The following SEPHS1 variants were observed in gnomAD, a reference collection of about 807,000 sequenced individuals.
The protein encoded by SEPHS1 is selenophosphate synthetase 1, also known as zincore component SEPHS1.
Under a neutral mutation model 39.2 loss-of-function variants are expected in SEPHS1, and 7 were observed. The observed-to-expected ratio is 0.18, with a 90% CI of 0.10 to 0.34. SEPHS1 has a LOEUF of 0.34. Among genes scored for constraint, SEPHS1 ranks in the 10% least tolerant of loss-of-function variants. The pLI is 1.00. For synonymous variants in SEPHS1, 190 were observed against 195.5 expected (o/e 0.97, Z 0.23); for missense variants, 253 against 514.5 (o/e 0.49, Z 4.92).
chr10:13,338,793 G>A lies in SEPHS1; in HGVS notation c.209C>T (p.Thr70Ile). Reference protein sequence around the residue: ...VMPRLGIGMDTCVIPLRHGGL... With the variant: ...VMPRLGIGMDICVIPLRHGGL... ...ACCGTGCCTCAAAGGAATGACACAA[G>A]TATCCATTCCAATGCCTGTGGAGAT... Residue 70 changes from threonine (T) to isoleucine (I), a missense_variant, in exon 3 of 9, where the codon ACT (threonine) becomes ATT (isoleucine). Around this residue, in one of 4 missense-constraint regions of SEPHS1, gnomAD observed 123 missense variants for 196.8 expected, o/e 0.62. Transcript: ENST00000327347. 1.9e-6 allele frequency: 3 copies of A among 1,613,456 alleles called. No individual in the cohort carries two copies. The highest frequency in any genetic ancestry group is 2.5e-6 in the Non-Finnish European group (3 of 1,179,374).
rs1386408260 is a variant in SEPHS1, at chr10:13,317,888, A to AGTC, written c.*1253_*1254insGAC. 1 of 152,204 alleles carries AGTC rather than the reference A, an allele frequency of 6.6e-6. No individual in the cohort carries two copies. Among genetic ancestry groups the AGTC allele is most frequent in the East Asian group, 1.9e-4 (1 of 5,202 alleles). 9.4% of individuals were successfully genotyped at this position (152,204 alleles called of 1,614,324 possible). Reference sequence around the variant, plus strand: ...GAAGCCTCCACTTTACATAACACAGAGAACACCTTTTTAGATTGCCTATTT... The same window carrying AGTC: ...GAAGCCTCCACTTTACATAACACAGAGTCGAACACCTTTTTAGATTGCCTATTT... On this transcript the variant is annotated 3_prime_UTR_variant, in exon 9 of 9. Coordinates refer to ENST00000327347, the MANE Select transcript of SEPHS1 (RefSeq NM_012247.5).
At chr10:13,336,125 G>A in intron 4 of SEPHS1, 118 bp downstream of exon 4, 2 of 632,570 alleles carry the variant, frequency 3.2e-6, no homozygotes, top group South Asian at 2.0e-5. Context: ...CAGAAGGAGT[G>A]CAGGGAGCCA....
chr10:13,342,826 C>T (rs1833833845), intron 2 of SEPHS1, among the ~76,000 whole-genome samples: 1 of 151,910 alleles, frequency 6.6e-6, no homozygotes, highest in South Asian at 2.1e-4. Flanking sequence ...GCCTCTGCCT[C>T]CCGGGCTCAA....
At chr10:13,343,170 G>T (rs72783325) in intron 2 of SEPHS1, among the ~76,000 whole-genome samples, 1 of 152,138 alleles carries the variant, frequency 6.6e-6, no homozygotes, top group Non-Finnish European at 1.5e-5. Context: ...ACTTTATGCC[G>T]TAATGTTTTA....
At chr10:13,341,763 C>T (rs1833791698) in intron 2 of SEPHS1, among the ~76,000 whole-genome samples, 1 of 148,810 alleles carries the variant, frequency 6.7e-6, no homozygotes, top group Non-Finnish European at 1.5e-5. Flanking sequence ...TCCAGACCAG[C>T]CTGACCAACA....
At chr10:13,341,926 G>A (rs10906353) in intron 2 of SEPHS1, among the ~76,000 whole-genome samples, 60,467 of 148,432 alleles carry the variant, frequency 0.41, 13,933 homozygotes, top group East Asian at 0.69. Context: ...AGTGAGCTGA[G>A]ATTGCACCAC....
chr10:13,321,269 CAG>C (rs1833106047), intron 8 of SEPHS1, among the ~76,000 whole-genome samples: 1 of 149,910 alleles, frequency 6.7e-6, no homozygotes, highest in Non-Finnish European at 1.5e-5. Flanking sequence ...TTTTTTGAGA[CAG>C]AGTCTCACTC....
chr10:13,344,869 C>T lies in SEPHS1; in HGVS notation c.82G>A (p.Gly28Ser). ...FRLTRFTELK[G>S]TGCKVPQDVL... is the part of the protein sequence containing the mutation. ...TCTTGGGGCACTTTGCAGCCTGTGC[C>T]CTTCAGTTCAGTGAATCTGGTTAGC... is the stretch of plus-strand genomic sequence containing the variant. The change falls in exon 2 of 9, where the codon GGC becomes AGC. Residue 28 changes from glycine to serine, a missense_variant. Physicochemically the swap from Gly to Ser is moderately conservative, Grantham distance 56 (BLOSUM62 0). Around this residue, in one of 4 missense-constraint regions of SEPHS1, gnomAD observed 123 missense variants for 196.8 expected, o/e 0.62. Coordinates refer to ENST00000327347, the MANE Select transcript of SEPHS1 (RefSeq NM_012247.5). 1.9e-6 allele frequency: 3 copies of T among 1,606,868 alleles called. No homozygotes were observed. The highest frequency in any genetic ancestry group is 1.7e-6 in the Non-Finnish European group (2 of 1,176,486).
intron 7 of SEPHS1, among the ~76,000 whole-genome samples, chr10:13,325,118 A>G (rs1290101844): frequency 1.3e-5 from 2 of 151,914 alleles, no homozygotes; most frequent in African/African-American, 4.8e-5. Flanking sequence ...TTGTCTTTTC[A>G]TTTCCTTAAC....
chr10:13,345,861 T>A (rs767863586), intron 1 of SEPHS1, among the ~76,000 whole-genome samples: 1 of 151,974 alleles, frequency 6.6e-6, no homozygotes, highest in African/African-American at 2.4e-5. Flanking sequence ...TGGGCGAGAG[T>A]GAGACTCCGT....
rs780380520 is a variant in SEPHS1, at chr10:13,322,814, G to A, written c.964+21C>T. On this transcript the variant is annotated intron_variant, in intron 8 of 8. Transcript: ENST00000327347. ...TGTTAGCCTCACTATTTAGTCCTCA[G>A]ATGCGCCCAGCATCCTGTACCTGAA... 26 of 1,608,350 alleles carry A rather than the reference G, an allele frequency of 1.6e-5. 2 individuals carry two copies. In the South Asian group the frequency reaches 2.8e-4, roughly 17 times the overall value.
chr10:13,338,611 C>A, intron 3 of SEPHS1, 94 bp downstream of exon 3: 1 of 1,003,212 alleles, frequency 1.0e-6, no homozygotes, highest in Non-Finnish European at 1.6e-6. Flanking sequence ...AGAAATAAAA[C>A]CAAAACCCCA....
At chr10:13,322,763 GGCT>G (rs1309353475) in intron 8 of SEPHS1, 69 bp downstream of exon 8, 18 of 1,432,974 alleles carry the variant, frequency 1.3e-5, no homozygotes, top group Middle Eastern at 2.4e-4. Context: ...CTCGGGGTGG[GGCT>G]GCTGCTTTCT....
At chr10:13,340,304 C>A (rs1441244188) in intron 2 of SEPHS1, among the ~76,000 whole-genome samples, 1 of 151,768 alleles carries the variant, frequency 6.6e-6, no homozygotes. Context: ...TGGAAGACCT[C>A]GCTTAGGGAA....
rs1833639364 is a variant in SEPHS1 at position 13,336,481 on chromosome 10, C to T, written c.298-131G>A. 5 of 710,370 alleles carry T rather than the reference C, an allele frequency of 7.0e-6. No homozygotes were observed. In the Admixed American group the frequency reaches 1.1e-4, roughly 15 times the overall value. 44.0% of individuals were successfully genotyped at this position (710,370 alleles called of 1,614,324 possible). On this transcript the variant is annotated intron_variant, in intron 3 of 8. Transcript: ENST00000327347. ...GAGTAGCAGCTACTAGGATGGGGTC[C>T]TCAGTTTCTATGATTTGCAGACTGG...
At chr10:13,319,903 G>T (rs1217410641) in intron 8 of SEPHS1, among the ~76,000 whole-genome samples, 1 of 152,196 alleles carries the variant, frequency 6.6e-6, no homozygotes, top group East Asian at 1.9e-4. Context: ...CTGTGTAGGG[G>T]TAAGGTGTTT....
intron 7 of SEPHS1, 124 bp from the exon 8 acceptor site, chr10:13,323,171 G>A: frequency 1.3e-6 from 1 of 788,246 alleles, no homozygotes; most frequent in East Asian, 2.7e-5. Context: ...TAATGAAAAC[G>A]CAATGTAAAA....
Position 13,317,842 on chromosome 10 carries a change from C to T in SEPHS1, c.*1300G>A, listed in dbSNP as rs1012794613. Reference sequence around the variant, plus strand: ...TAATGACAGGAATCCCTCCTCATTGCTTAGTAGGTTAAAATATAAGGAAGC... The same window carrying T: ...TAATGACAGGAATCCCTCCTCATTGTTTAGTAGGTTAAAATATAAGGAAGC... On this transcript the variant is annotated 3_prime_UTR_variant, in exon 9 of 9. Coordinates refer to ENST00000327347, the MANE Select transcript of SEPHS1 (RefSeq NM_012247.5). 1 of 152,108 alleles carries T rather than the reference C, an allele frequency of 6.6e-6. No homozygotes were observed. The highest frequency in any genetic ancestry group is 1.5e-5 in the Non-Finnish European group (1 of 68,008). The allele number at this position is 152,108 out of a possible 1,614,324, so 9.4% of individuals were successfully genotyped here.
chr10:13,343,010 C>G (rs904691539), intron 2 of SEPHS1, among the ~76,000 whole-genome samples: 1 of 152,144 alleles, frequency 6.6e-6, no homozygotes. Flanking sequence ...GCTGGGATTA[C>G]AGGTGTGAGC....
Sources: gnomAD v4.1 joint callset for allele counts (sites outside exome capture counted in the v4.1 genomes callset) on GRCh38, gnomAD v4.1.1 for gene constraint, gnomAD v4.1.1 regional missense constraint, MANE v1.5 for transcripts, NCBI Gene and HGNC (gene_info 2026-07-23, HGNC 2026-07-21) for gene names.